RNF111: variants seen among roughly 807,000 people sequenced by gnomAD.
RNF111 encodes the protein ring finger protein 111, also known as E3 ubiquitin-protein ligase Arkadia.
Under a neutral mutation model 95.1 loss-of-function variants are expected in RNF111, and 17 were observed. That is an observed-to-expected ratio of 0.18 (90% CI 0.12 to 0.27). The LOEUF (loss-of-function observed/expected upper bound fraction) is 0.27. Among genes scored for constraint, RNF111 ranks in the 10% least tolerant of loss-of-function variants. RNF111 has a pLI of 1.00. For missense variants in RNF111, 1,189 were observed against 1,210.4 expected (o/e 0.98, Z 0.26); for synonymous variants, 440 against 414.8 (o/e 1.06, Z -0.74).
At chr15:59,026,670 TTCCTC>T (rs1411114585) in intron 1 of RNF111, among the ~76,000 whole-genome samples, 1 of 152,204 alleles carries the variant, frequency 6.6e-6, no homozygotes, top group Admixed American at 6.5e-5. Flanking sequence ...CTTTTGAACT[TTCCTC>T]TTCTAAGTTC....
At chr15:59,050,407 T>A in intron 2 of RNF111, 2 of 152,574 alleles carry the variant, frequency 1.3e-5, no homozygotes, top group South Asian at 2.1e-4. Context: ...TATTGGAAGA[T>A]GGTGGTTTCT....
At chr15:59,071,046 C>T (rs1174367578) in intron 6 of RNF111, among the ~76,000 whole-genome samples, 1 of 152,102 alleles carries the variant, frequency 6.6e-6, no homozygotes, top group Non-Finnish European at 1.5e-5. Flanking sequence ...GCCTGTCATC[C>T]CAGCACTTTG....
chr15:59,058,103 T>C (rs1362081834), intron 4 of RNF111, among the ~76,000 whole-genome samples: 14 of 152,354 alleles, frequency 9.2e-5, no homozygotes, highest in African/African-American at 2.6e-4. Context: ...CCTGAAAAAC[T>C]GTTAAATCAC....
At chr15:58,990,015 A>G (rs1463774725) in intron 1 of RNF111, among the ~76,000 whole-genome samples, 1 of 152,184 alleles carries the variant, frequency 6.6e-6, no homozygotes, top group African/African-American at 2.4e-5. Flanking sequence ...CTGAAAAATG[A>G]TAGCAGTTAA....
chr15:59,079,072 A>T (rs568184458), intron 7 of RNF111, among the ~76,000 whole-genome samples: 53 of 152,324 alleles, frequency 3.5e-4, no homozygotes, highest in African/African-American at 1.3e-3. Flanking sequence ...AGGAAGGGAA[A>T]GGGTTTTTGG....
Position 59,019,678 on chromosome 15 carries a change from G to A in RNF111, c.-19-11126G>A, listed in dbSNP as rs541260644. Among the ~76,000 whole-genome samples the A allele has an allele frequency of 1.1e-4, 16 of 152,216 alleles. No homozygotes were observed. The South Asian group carries it at 3.1e-3, about 30-fold the overall frequency. On this transcript the variant is annotated intron_variant, in intron 1 of 13. Transcript: ENST00000348370. ...TTATTGGATATTTAAAAGTATTTAA[G>A]CCAGGCGTGGTGGCTTATGCCTGTA... is the stretch of plus-strand genomic sequence containing the variant.
intron 12 of RNF111, 62 bp from the exon 13 acceptor site, chr15:59,092,475 T>G (rs1365438421): frequency 3.3e-6 from 5 of 1,535,870 alleles, no homozygotes; most frequent in Non-Finnish European, 4.4e-6. Flanking sequence ...AACACAGACT[T>G]TACTCAGTTG....
intron 2 of RNF111, among the ~76,000 whole-genome samples, chr15:59,042,456 A>T (rs1407458617): frequency 5.9e-5 from 9 of 152,126 alleles, no homozygotes; most frequent in African/African-American, 1.7e-4. Flanking sequence ...ATATTTATCA[A>T]CTTTTATTCT....
At chr15:58,998,065 C>T (rs1056804418) in intron 1 of RNF111, among the ~76,000 whole-genome samples, 6 of 151,350 alleles carry the variant, frequency 4.0e-5, no homozygotes, top group East Asian at 2.0e-4. Context: ...CCACCACACC[C>T]GGCTAATTTT....
chr15:58,995,464 TG>T (rs2039022839), intron 1 of RNF111, among the ~76,000 whole-genome samples: 1 of 90,510 alleles, frequency 1.1e-5, no homozygotes, highest in Non-Finnish European at 3.0e-5. Flanking sequence ...CATAACCTCT[TG>T]TTTTTTTTTT....
chr15:59,037,460 A>C (rs987711101), intron 2 of RNF111, among the ~76,000 whole-genome samples: 1 of 152,200 alleles, frequency 6.6e-6, no homozygotes, highest in Non-Finnish European at 1.5e-5. Context: ...ACTGGAACTA[A>C]TTGACATTTA....
chr15:59,081,289 G>A lies in RNF111; in HGVS notation c.2297+5G>A. 1 of 1,606,776 alleles carries A rather than the reference G, an allele frequency of 6.2e-7. No individual in the cohort carries two copies. Among genetic ancestry groups the A allele is most frequent in the South Asian group, 1.1e-5 (1 of 90,642 alleles). ...GAGGATGATGCAGCATCCAACGTATGTTTTACGTTTTTAAAAAGAAAGTCA... is the reference window on the plus strand; with the variant it reads ...GAGGATGATGCAGCATCCAACGTATATTTTACGTTTTTAAAAAGAAAGTCA... On this transcript the variant is annotated splice_donor_5th_base_variant and intron_variant, in intron 8 of 13. Coordinates refer to ENST00000348370, the MANE Select transcript of RNF111 (RefSeq NM_017610.8).
intron 2 of RNF111, among the ~76,000 whole-genome samples, chr15:59,046,410 C>T (rs1418832659): frequency 1.3e-5 from 2 of 152,190 alleles, no homozygotes; most frequent in Admixed American, 1.3e-4. Flanking sequence ...CCAGGCTGGT[C>T]TCGCACTCCT....
chr15:59,061,098 A>G (rs901167255), intron 5 of RNF111, among the ~76,000 whole-genome samples: 3 of 152,170 alleles, frequency 2.0e-5, no homozygotes, highest in Non-Finnish European at 2.9e-5. Context: ...CCCTCGGCCT[A>G]TGTGTAGCAT....
intron 1 of RNF111, among the ~76,000 whole-genome samples, chr15:58,998,231 G>T (rs992847486): frequency 4.0e-5 from 6 of 151,804 alleles, no homozygotes; most frequent in Non-Finnish European, 5.9e-5. Context: ...TATTCCATGT[G>T]ACAAAATGGG....
chr15:58,987,680 G>T lies in RNF111; in HGVS notation c.-408G>T, dbSNP rs542029990. On this transcript the variant is annotated 5_prime_UTR_variant, in exon 1 of 14. Transcript: ENST00000348370. ...AGAGCCCTAGTGTCGTGCTCTCCTC[G>T]GTAGGGGAGGAATTGGTTAGGCGGC... The T allele has an allele frequency of 1.8e-5, 3 of 170,392 alleles. No homozygotes were observed. Among genetic ancestry groups the T allele is most frequent in the South Asian group, 2.6e-4 (2 of 7,676 alleles). 10.6% of individuals were successfully genotyped at this position (170,392 alleles called of 1,614,324 possible).
intron 1 of RNF111, among the ~76,000 whole-genome samples, chr15:59,014,583 A>G (rs1273926700): frequency 6.6e-6 from 1 of 152,168 alleles, no homozygotes; most frequent in Non-Finnish European, 1.5e-5. Context: ...TTCAGAAGAA[A>G]TGTATACTTG....
intron 8 of RNF111, 70 bp downstream of exon 8, chr15:59,081,354 C>T: frequency 3.0e-6 from 4 of 1,325,968 alleles, no homozygotes; most frequent in Non-Finnish European, 4.2e-6. Flanking sequence ...CTTTACAACT[C>T]TGAAATCCAA....
intron 2 of RNF111, among the ~76,000 whole-genome samples, chr15:59,039,040 C>G (rs1320916592): frequency 6.6e-6 from 1 of 152,160 alleles, no homozygotes; most frequent in South Asian, 2.1e-4. Context: ...TCTCAGCTCA[C>G]CGCAACCTCT....
Sources: allele counts gnomAD v4.1 joint callset (sites outside exome capture counted in the v4.1 genomes callset), GRCh38; gene constraint gnomAD v4.1.1; transcripts MANE v1.5; gene names NCBI Gene and HGNC (gene_info 2026-07-23, HGNC 2026-07-21).